STK11: variants seen among roughly 807,000 people sequenced by gnomAD.
The protein encoded by STK11 is serine/threonine kinase 11, also known as serine/threonine-protein kinase STK11.
In STK11, 8 loss-of-function variants were observed where a neutral mutation model predicts 47.3. The ratio of observed to expected loss-of-function variants is 0.17; its 90% CI spans 0.10 to 0.31. The LOEUF (loss-of-function observed/expected upper bound fraction) is 0.31. Among genes scored for constraint, STK11 ranks in the 10% least tolerant of loss-of-function variants. The pLI is 1.00. For synonymous variants in STK11, 330 were observed against 255.8 expected, an observed-to-expected ratio of 1.29 and a Z score of -2.77; for missense variants, 475 against 605.0, an observed-to-expected ratio of 0.79 and a Z score of 2.25.
At position 1,226,621 on chromosome 19, in the gene STK11, C is replaced by A. The variant is rs587782687; in HGVS notation, c.1276C>A (p.Arg426=). The stretch of plus-strand genomic sequence containing the variant: ...CTGCTCCGCCAGCAGCAAGATCCGC[C>A]GGCTGTCGGCCTGCAAGCAGCAGTG... The part of the protein sequence containing the change: ...KACSASSKIR[R]LSACKQQ Residue 426 remains arginine, a synonymous_variant, in exon 9 of 10, where the codon CGG becomes AGG. Coordinates refer to ENST00000326873, the MANE Select transcript of STK11 (RefSeq NM_000455.5). 3.9e-6 allele frequency: 6 copies of A among 1,547,018 alleles called. No homozygotes were observed. Among genetic ancestry groups the A allele is most frequent in the East Asian group, 2.4e-5 (1 of 40,992 alleles).
Position 1,227,899 on chromosome 19 carries a change from C to G in STK11, c.*323C>G. 9.3e-7 allele frequency: 1 copy of G among 1,069,954 alleles called. No individual in the cohort carries two copies. Among genetic ancestry groups the G allele is most frequent in the South Asian group, 4.5e-5 (1 of 22,020 alleles). The allele number at this position is 1,069,954 out of a possible 1,614,324, so 66.3% of individuals were successfully genotyped here. ...GGAGACTACTGGCCCCGCCCGTGGC[C>G]TCGTGCTCCGCAGGGCGCCCAGCGC... On this transcript the variant is annotated 3_prime_UTR_variant, in exon 10 of 10. Transcript: ENST00000326873.
At chr19:1,224,556 G>A in intron 8 of STK11, 1 of 985,516 alleles carries the variant, frequency 1.0e-6, no homozygotes, top group Non-Finnish European at 1.2e-6. Context: ...GGTTGCGAGA[G>A]TCCCTACTGG....
Position 1,226,459 on chromosome 19 carries a change from G to A in STK11, c.1114G>A (p.Val372Ile), listed in dbSNP as rs2080821529. Reference protein sequence around the residue: ...YTQDFTVPGQVPEEEASHNGQ... With the variant: ...YTQDFTVPGQIPEEEASHNGQ... ...ACTTGCCGTCTCCCTCCCAGGACAG[G>A]TCCCAGAAGAGGAGGCCAGTCACAA... Residue 372 changes from valine (V) to isoleucine (I), a missense_variant, in exon 9 of 10, where the codon GTC becomes ATC. Val to Ile is a conservative substitution (Grantham distance 29). Coordinates refer to ENST00000326873, the MANE Select transcript of STK11 (RefSeq NM_000455.5). 3.1e-6 allele frequency: 5 copies of A among 1,610,586 alleles called. No individual in the cohort carries two copies. The highest frequency in any genetic ancestry group is 1.3e-5 in the African/African-American group (1 of 74,894).
rs2080842733 is a variant in STK11 at position 1,228,230 on chromosome 19, C to T, written c.*654C>T. On this transcript the variant is annotated 3_prime_UTR_variant, in exon 10 of 10. Coordinates refer to ENST00000326873, the MANE Select transcript of STK11 (RefSeq NM_000455.5). ...CGGCCGGAGGGCAGGACCCTCACCT[C>T]TCCCCCAAGGCCACTGCGCTCTTGG... The T allele has an allele frequency of 1.3e-6, 1 of 741,570 alleles. No homozygotes were observed. The highest frequency in any genetic ancestry group is 1.7e-6 in the Non-Finnish European group (1 of 583,920). 45.9% of individuals were successfully genotyped at this position (741,570 alleles called of 1,614,324 possible). A position where few individuals can be genotyped will look rare whatever the true frequency, so the allele number is the denominator to read the frequency against.
At position 1,228,413 on chromosome 19, in the gene STK11, AAAGCTTGGG is replaced by A. The variant is rs142990629; in HGVS notation, c.*846_*854del. On this transcript the variant is annotated 3_prime_UTR_variant, in exon 10 of 10. Transcript: ENST00000326873. Reference sequence around the variant, plus strand: ...AGGCCGCCCAAATTTGGCAATAAATAAAGCTTGGGAAGCTTGGACCTGGCCGTCTGGGTT... The same window carrying A: ...AGGCCGCCCAAATTTGGCAATAAATAAAGCTTGGACCTGGCCGTCTGGGTT... 0.031 allele frequency: 6,956 copies of A among 225,774 alleles called. 173 individuals are homozygous for A. The highest frequency in any genetic ancestry group is 0.047 in the Non-Finnish European group (5,365 of 113,254). The allele number at this position is 225,774 out of a possible 1,614,324, so 14.0% of individuals were successfully genotyped here.
chr19:1,206,544 T>C lies in STK11; in HGVS notation c.-370T>C. The C allele has an allele frequency of 3.1e-6, 1 of 326,136 alleles. No homozygotes were observed. The highest frequency in any genetic ancestry group is 5.7e-6 in the Non-Finnish European group (1 of 175,092). The allele number at this position is 326,136 out of a possible 1,614,324, so 20.2% of individuals were successfully genotyped here. A position where few individuals can be genotyped will look rare whatever the true frequency, so the allele number is the denominator to read the frequency against. ...CCGTGGGCCTGAGGTCCCCGGAGGA[T>C]GACCTAGCACTGAAAAGCCCCGGCC... On this transcript the variant is annotated 5_prime_UTR_variant, in exon 1 of 10. An upstream start codon of the reference 5' UTR is lost. Coordinates refer to ENST00000326873, the MANE Select transcript of STK11 (RefSeq NM_000455.5).
intron 8 of STK11, chr19:1,225,845 C>T: frequency 1.0e-6 from 1 of 986,190 alleles, no homozygotes; most frequent in South Asian, 4.7e-5. Context: ...TTTCCCCTGC[C>T]ATTGTGAGAA....
intron 8 of STK11, chr19:1,225,843 G>A (rs1295725984): frequency 1.1e-5 from 11 of 985,996 alleles, no homozygotes; most frequent in Non-Finnish European, 1.3e-5. Context: ...ACTTTCCCCT[G>A]CCATTGTGAG....
chr19:1,209,987 T>C (rs927954857), intron 1 of STK11, among the ~76,000 whole-genome samples: 1 of 152,176 alleles, frequency 6.6e-6, no homozygotes. Context: ...GCGTCCAATT[T>C]CATCCTGGCC....
At chr19:1,213,728 G>C (rs1296876945) in intron 1 of STK11, among the ~76,000 whole-genome samples, 1 of 152,236 alleles carries the variant, frequency 6.6e-6, no homozygotes, top group Non-Finnish European at 1.5e-5. Context: ...CTGCTTTGGT[G>C]CACGTGTGCT....
intron 8 of STK11, among the ~76,000 whole-genome samples, chr19:1,223,434 C>G (rs1454930165): frequency 1.3e-5 from 2 of 152,214 alleles, no homozygotes; most frequent in Admixed American, 6.5e-5. Flanking sequence ...CGGGTGCTGC[C>G]CAGCCAGGCA....
chr19:1,227,557 C>G (rs2080834555), intron 9 of STK11, 36 bp from the exon 10 acceptor site: 17 of 1,063,330 alleles, frequency 1.6e-5, no homozygotes, highest in Non-Finnish European at 1.9e-5. Flanking sequence ...AACCGGTGCC[C>G]AGGCTGACCT....
intron 1 of STK11, among the ~76,000 whole-genome samples, chr19:1,207,422 C>T (rs1017878736): frequency 6.6e-6 from 1 of 152,182 alleles, no homozygotes; most frequent in African/African-American, 2.4e-5. Flanking sequence ...GCGGGGCGTG[C>T]GTTTGCATGG....
intron 1 of STK11, among the ~76,000 whole-genome samples, chr19:1,217,571 TG>T (rs1268194667): frequency 6.6e-6 from 1 of 152,094 alleles, no homozygotes; most frequent in Non-Finnish European, 1.5e-5. Context: ...CGTGGCCAAC[TG>T]GGCGGCAGCT....
intron 8 of STK11, 80 bp downstream of exon 8, chr19:1,223,252 C>T (rs753694281): frequency 6.7e-7 from 1 of 1,483,352 alleles, no homozygotes; most frequent in Non-Finnish European, 9.1e-7. Flanking sequence ...TGCCTGTCTG[C>T]AACAAGGACA....
At position 1,207,064 on chromosome 19, in the gene STK11, A is replaced by G. The variant is rs730881986; in HGVS notation, c.151A>G (p.Met51Val). 6.2e-7 allele frequency: 1 copy of G among 1,613,808 alleles called. No individual in the cohort carries two copies. Among genetic ancestry groups the G allele is most frequent in the Non-Finnish European group, 8.5e-7 (1 of 1,179,858 alleles). ...KRAKLIGKYLMGDLLGEGSYG... is the reference protein window; with the variant it reads ...KRAKLIGKYLVGDLLGEGSYG... Reference sequence around the variant, plus strand: ...GGCCAAGCTCATCGGCAAGTACCTGATGGGGGACCTGCTGGGGGAAGGCTC... The same window carrying G: ...GGCCAAGCTCATCGGCAAGTACCTGGTGGGGGACCTGCTGGGGGAAGGCTC... The change falls in exon 1 of 10, where the codon ATG becomes GTG. Residue 51 changes from methionine (M) to valine (V), a missense_variant. By Grantham distance (21) the Met-to-Val change is conservative (BLOSUM62 1). Coordinates refer to ENST00000326873, the MANE Select transcript of STK11 (RefSeq NM_000455.5).
Position 1,223,067 on chromosome 19 carries a change from A to G in STK11, c.1003A>G (p.Met335Val), listed in dbSNP as rs768144275. The G allele has an allele frequency of 1.9e-6, 3 of 1,607,476 alleles. No individual in the cohort carries two copies. The highest frequency in any genetic ancestry group is 1.1e-5 in the South Asian group (1 of 89,902). Residue 335 changes from methionine to valine, a missense_variant, in exon 8 of 10, where the codon ATG (methionine) becomes GTG (valine). Met to Val is a conservative substitution (Grantham distance 21). Coordinates refer to ENST00000326873, the MANE Select transcript of STK11 (RefSeq NM_000455.5). ...SPDTKDRWRSMTVVPYLEDLH... is the reference protein window; with the variant it reads ...SPDTKDRWRSVTVVPYLEDLH... ...AGACACCAAGGACCGGTGGCGCAGCATGACTGTGGTGCCGTACTTGGAGGA... is the reference window on the plus strand; with the variant it reads ...AGACACCAAGGACCGGTGGCGCAGCGTGACTGTGGTGCCGTACTTGGAGGA...
chr19:1,224,852 C>G, intron 8 of STK11: 5 of 985,606 alleles, frequency 5.1e-6, no homozygotes, highest in Non-Finnish European at 6.0e-6. Flanking sequence ...GGTGGACGCC[C>G]CTCCCACTGC....
chr19:1,223,096 G>A lies in STK11; in HGVS notation c.1032G>A (p.Leu344=), dbSNP rs371928158. 6.2e-7 allele frequency: 1 copy of A among 1,610,816 alleles called. No homozygotes were observed. The highest frequency in any genetic ancestry group is 8.5e-7 in the Non-Finnish European group (1 of 1,179,080). ...SMTVVPYLED[L]HGADEDEDLF... is the part of the protein sequence containing the mutation. The stretch of plus-strand genomic sequence containing the variant: ...CTGTGGTGCCGTACTTGGAGGACCT[G>A]CACGGCGCGGACGAGGACGAGGACC... Residue 344 remains leucine, a synonymous_variant, in exon 8 of 10, where the codon CTG becomes CTA. Transcript: ENST00000326873.
Sources: allele counts gnomAD v4.1 joint callset (sites outside exome capture counted in the v4.1 genomes callset), GRCh38; gene constraint gnomAD v4.1.1; transcripts MANE v1.5; gene names NCBI Gene and HGNC (gene_info 2026-07-23, HGNC 2026-07-21).